CACNA2D3: variants seen among roughly 807,000 people sequenced by gnomAD.
The protein encoded by CACNA2D3 is calcium voltage-gated channel auxiliary subunit alpha2delta 3.
A neutral mutation model predicts 160.6 loss-of-function variants in CACNA2D3; 60 were observed. That is an observed-to-expected ratio of 0.37 (90% CI 0.30 to 0.46). CACNA2D3 has a LOEUF of 0.46. Ranked by LOEUF, CACNA2D3 falls within the 20% of genes least tolerant of loss-of-function variation. The pLI is 1.00. For missense variants in CACNA2D3, 1,205 were observed against 1,365.0 expected, an observed-to-expected ratio of 0.88 and a Z score of 1.85; for synonymous variants, 558 against 492.9, an observed-to-expected ratio of 1.13 and a Z score of -1.75.
intron 5 of CACNA2D3, among the ~76,000 whole-genome samples, chr3:54,556,906 G>C (rs1174581869): frequency 6.6e-6 from 1 of 152,194 alleles, no homozygotes; most frequent in Admixed American, 6.5e-5. Flanking sequence ...GTGGGGCATG[G>C]ACAGCATTTA....
intron 2 of CACNA2D3, among the ~76,000 whole-genome samples, chr3:54,251,355 C>T (rs1293157026): frequency 6.6e-6 from 1 of 152,168 alleles, no homozygotes; most frequent in Non-Finnish European, 1.5e-5. Flanking sequence ...GCATCTCTAA[C>T]TCTTTTATTA....
intron 2 of CACNA2D3, among the ~76,000 whole-genome samples, chr3:54,228,253 A>G (rs1467113639): frequency 6.6e-6 from 1 of 152,160 alleles, no homozygotes; most frequent in Non-Finnish European, 1.5e-5. Flanking sequence ...CCTTCACAGG[A>G]TGGTATAGCA....
At position 54,488,348 on chromosome 3, in the gene CACNA2D3, A is replaced by C. The variant is rs568901874; in HGVS notation, c.382-15144A>C. ...AACTGATGAATGAAAGAACTGATGAAAGGCCCTGCCAGGCTGGGGTGTCCA... is the reference window on the plus strand; with the variant it reads ...AACTGATGAATGAAAGAACTGATGACAGGCCCTGCCAGGCTGGGGTGTCCA... On this transcript the variant is annotated intron_variant, in intron 4 of 37. Coordinates refer to ENST00000474759, the MANE Select transcript of CACNA2D3 (RefSeq NM_018398.3). Among the ~76,000 whole-genome samples, 10 of 152,272 alleles carry C rather than the reference A, an allele frequency of 6.6e-5. No individual in the cohort carries two copies. In the South Asian group the frequency reaches 1.9e-3, roughly 28 times the overall value.
intron 13 of CACNA2D3, among the ~76,000 whole-genome samples, chr3:54,815,338 C>T (rs1703424675): frequency 6.6e-6 from 1 of 152,174 alleles, no homozygotes; most frequent in Non-Finnish European, 1.5e-5. Flanking sequence ...TTGGAGACAT[C>T]TCTGAGATCC....
chr3:54,632,468 T>A (rs1350786656), intron 10 of CACNA2D3: 1 of 152,216 alleles, frequency 6.6e-6, no homozygotes, highest in Non-Finnish European at 1.5e-5. Context: ...GAAGCTGTGT[T>A]TAATGCAGTC....
At chr3:54,671,780 G>C (rs1700168105) in intron 11 of CACNA2D3, among the ~76,000 whole-genome samples, 1 of 152,310 alleles carries the variant, frequency 6.6e-6, no homozygotes, top group Non-Finnish European at 1.5e-5. Context: ...GCCAAGTGCT[G>C]CTTGCAAATT....
At chr3:54,621,011 C>T (rs1352687626) in intron 9 of CACNA2D3, among the ~76,000 whole-genome samples, 1 of 152,196 alleles carries the variant, frequency 6.6e-6, no homozygotes, top group Non-Finnish European at 1.5e-5. Flanking sequence ...CTGCAACAAC[C>T]TTTGTCCACT....
chr3:54,259,437 GA>G (rs199940557), intron 2 of CACNA2D3, among the ~76,000 whole-genome samples: 18 of 151,010 alleles, frequency 1.2e-4, no homozygotes, highest in South Asian at 6.3e-4. Flanking sequence ...AGATTTAATA[GA>G]AAAAAAAACC....
chr3:54,839,190 G>A (rs1385704466), intron 16 of CACNA2D3, among the ~76,000 whole-genome samples: 2 of 152,106 alleles, frequency 1.3e-5, no homozygotes, highest in African/African-American at 4.8e-5. Flanking sequence ...CCTAGGAGGC[G>A]GAGCTTGCAG....
intron 2 of CACNA2D3, among the ~76,000 whole-genome samples, chr3:54,184,922 G>C (rs1700854412): frequency 1.3e-5 from 2 of 152,194 alleles, no homozygotes; most frequent in African/African-American, 4.8e-5. Flanking sequence ...ACTTCTTAGT[G>C]ACCAGGGACG....
intron 2 of CACNA2D3, among the ~76,000 whole-genome samples, chr3:54,269,597 G>A (rs1174154106): frequency 6.6e-6 from 1 of 152,148 alleles, no homozygotes; most frequent in Non-Finnish European, 1.5e-5. Context: ...CCATCACTGT[G>A]TAAAGCATGT....
intron 2 of CACNA2D3, among the ~76,000 whole-genome samples, chr3:54,289,907 T>A (rs1409300375): frequency 6.6e-6 from 1 of 151,938 alleles, no homozygotes; most frequent in African/African-American, 2.4e-5. Context: ...AAAAATTAAT[T>A]CAAGATGGAT....
chr3:54,868,744 T>G (rs762452660), intron 17 of CACNA2D3, among the ~76,000 whole-genome samples: 8 of 152,202 alleles, frequency 5.3e-5, no homozygotes, highest in Non-Finnish European at 1.2e-4. Context: ...TCTGTCTGCC[T>G]ATGGTTTGCA....
At chr3:54,298,266 G>T (rs1299807281) in intron 2 of CACNA2D3, among the ~76,000 whole-genome samples, 1 of 152,216 alleles carries the variant, frequency 6.6e-6, no homozygotes, top group African/African-American at 2.4e-5. Context: ...GCCAGTGGTG[G>T]CAAAATAATG....
At position 54,878,998 on chromosome 3, in the gene CACNA2D3, CT is replaced by C. The variant is rs780523612; in HGVS notation, c.1711-16del. Reference sequence around the variant, plus strand: ...GATAACCCAGGGAAGAACTAACACACTTTTCTTTTATCATTTTAGTTGAGAA... The same window carrying C: ...GATAACCCAGGGAAGAACTAACACACTTTCTTTTATCATTTTAGTTGAGAA... On this transcript the variant is annotated intron_variant, in intron 18 of 37. Coordinates refer to ENST00000474759, the MANE Select transcript of CACNA2D3 (RefSeq NM_018398.3). The C allele has an allele frequency of 1.8e-5, 28 of 1,545,380 alleles. No individual in the cohort carries two copies. In the African/African-American group the frequency reaches 3.6e-4, roughly 20 times the overall value.
At chr3:54,528,189 T>G (rs983631428) in intron 5 of CACNA2D3, among the ~76,000 whole-genome samples, 1 of 151,704 alleles carries the variant, frequency 6.6e-6, no homozygotes. Context: ...GCAACATGAG[T>G]GAAAGCAGAG....
intron 10 of CACNA2D3, among the ~76,000 whole-genome samples, chr3:54,635,073 G>C (rs980106558): frequency 6.6e-6 from 1 of 151,924 alleles, no homozygotes; most frequent in African/African-American, 2.4e-5. Flanking sequence ...GGCGGTGTGG[G>C]AACCTAGAGT....
chr3:54,408,526 A>G (rs535894229), intron 4 of CACNA2D3, among the ~76,000 whole-genome samples: 14 of 152,248 alleles, frequency 9.2e-5, no homozygotes, highest in East Asian at 5.8e-4. Context: ...TGCTTTAACT[A>G]TTACCGAAAA....
chr3:54,661,557 A>G (rs989881306), intron 11 of CACNA2D3, among the ~76,000 whole-genome samples: 1 of 152,146 alleles, frequency 6.6e-6, no homozygotes, highest in African/African-American at 2.4e-5. Flanking sequence ...TGCTCTCTTC[A>G]TTAAACAAAA....
Sources: allele counts gnomAD v4.1 joint callset (sites outside exome capture counted in the v4.1 genomes callset), GRCh38; gene constraint gnomAD v4.1.1; transcripts MANE v1.5; gene names NCBI Gene and HGNC (gene_info 2026-07-23, HGNC 2026-07-21).